Variants in SETBP1 observed in about 807,000 individuals in gnomAD.
SETBP1 encodes SET-binding protein.
In SETBP1, 9 loss-of-function variants were observed where a neutral mutation model predicts 101.0. That is an observed-to-expected ratio of 0.09 (90% CI 0.05 to 0.16). SETBP1 has a LOEUF of 0.16. SETBP1 is among the 10% of genes least tolerant of loss of function. SETBP1 has a pLI of 1.00. For synonymous variants in SETBP1, 818 were observed against 788.5 expected (o/e 1.04, Z -0.63); for missense variants, 1,858 against 2,033.8 (o/e 0.91, Z 1.66).
chr18:44,878,407 G>T (rs2069457818), intron 3 of SETBP1, among the ~76,000 whole-genome samples: 1 of 151,230 alleles, frequency 6.6e-6, no homozygotes, highest in African/African-American at 2.4e-5. Flanking sequence ...CTGTAATTCT[G>T]CTCACTTGAG....
Position 45,019,322 on chromosome 18 carries a change from G to A in SETBP1, c.4001-19163G>A, listed in dbSNP as rs75366015. ...ATTTCCAGGTTTGGGGAATACAGTC[G>A]GGGAATTTCTTTTTACTTGACAAAT... On this transcript the variant is annotated intron_variant, in intron 4 of 5. Coordinates refer to ENST00000649279, the MANE Select transcript of SETBP1 (RefSeq NM_015559.3). Among the ~76,000 whole-genome samples, 663 of 152,148 alleles carry A rather than the reference G, an allele frequency of 4.4e-3. 2 individuals carry two copies. The highest frequency in any genetic ancestry group is 6.4e-3 in the Non-Finnish European group (435 of 68,008).
At chr18:44,870,143 T>C (rs2089932627) in intron 3 of SETBP1, 1 of 152,252 alleles carries the variant, frequency 6.6e-6, no homozygotes, top group South Asian at 2.1e-4. Flanking sequence ...AAATTATAGC[T>C]AACGGCAGCG....
chr18:44,824,069 GC>G lies in SETBP1; in HGVS notation c.487-45158del, dbSNP rs147210992. On this transcript the variant is annotated intron_variant, in intron 2 of 5. Coordinates refer to ENST00000649279, the MANE Select transcript of SETBP1 (RefSeq NM_015559.3). The stretch of plus-strand genomic sequence containing the variant: ...TCCATTCAAACTTCTTTTCACTCCT[GC>G]CCAAATCTTAAGACCAGTTACCTTG... Among the ~76,000 whole-genome samples, 271 of 152,222 alleles carry G rather than the reference GC, an allele frequency of 1.8e-3. 1 individual carries two copies. Among genetic ancestry groups the G allele is most frequent in the African/African-American group, 6.1e-3 (252 of 41,538 alleles).
chr18:44,716,000 C>T (rs2069453399), intron 2 of SETBP1, among the ~76,000 whole-genome samples: 1 of 152,150 alleles, frequency 6.6e-6, no homozygotes, highest in Non-Finnish European at 1.5e-5. Context: ...TCCCAGCATC[C>T]TTCCCCTACC....
chr18:44,855,421 C>T (rs2072955874), intron 2 of SETBP1, among the ~76,000 whole-genome samples: 1 of 152,212 alleles, frequency 6.6e-6, no homozygotes, highest in Non-Finnish European at 1.5e-5. Context: ...ACTACCCTCA[C>T]ACCTGGATTG....
intron 2 of SETBP1, among the ~76,000 whole-genome samples, chr18:44,763,646 T>C (rs928708668): frequency 2.0e-5 from 3 of 152,244 alleles, no homozygotes; most frequent in East Asian, 1.9e-4. Flanking sequence ...GGTACTCTTC[T>C]AATTATGCTG....
chr18:44,991,860 A>G (rs1167919319), intron 4 of SETBP1, among the ~76,000 whole-genome samples: 3 of 152,222 alleles, frequency 2.0e-5, no homozygotes, highest in Non-Finnish European at 1.5e-5. Context: ...TAGAACAATA[A>G]TAAAAATTGA....
At position 44,952,785 on chromosome 18, in the gene SETBP1, A is replaced by G; in HGVS notation, c.3445A>G (p.Lys1149Glu). 6.2e-7 allele frequency: 1 copy of G among 1,614,058 alleles called. No individual in the cohort carries two copies. The highest frequency in any genetic ancestry group is 2.2e-5 in the East Asian group (1 of 44,860). Residue 1149 changes from lysine (K) to glutamate (E), a missense_variant, in exon 4 of 6, where the codon AAG (lysine) becomes GAG (glutamate). Coordinates refer to ENST00000649279, the MANE Select transcript of SETBP1 (RefSeq NM_015559.3). Reference protein sequence around the residue: ...SASLSSGRLHKRKHKHKHKHK... With the variant: ...SASLSSGRLHERKHKHKHKHK... The stretch of plus-strand genomic sequence containing the variant: ...CAGTCTGTCCAGTGGTCGGCTCCAT[A>G]AGAGGAAACACAAACACAAGCATAA...
At position 44,861,087 on chromosome 18, in the gene SETBP1, G is replaced by C. The variant is rs1008533576; in HGVS notation, c.487-8143G>C. Reference sequence around the variant, plus strand: ...ATACCAGTAAAAGTTATGTTATTCTGAATAAAGAGGGGTTAAGAGCCTGGA... The same window carrying C: ...ATACCAGTAAAAGTTATGTTATTCTCAATAAAGAGGGGTTAAGAGCCTGGA... On this transcript the variant is annotated intron_variant, in intron 2 of 5. Coordinates refer to ENST00000649279, the MANE Select transcript of SETBP1 (RefSeq NM_015559.3). Among the ~76,000 whole-genome samples, 10 of 152,198 alleles carry C rather than the reference G, an allele frequency of 6.6e-5. No homozygotes were observed. The South Asian group carries it at 2.1e-3, about 32-fold the overall frequency.
intron 3 of SETBP1, among the ~76,000 whole-genome samples, chr18:44,927,339 G>A (rs183662327): frequency 2.1e-4 from 32 of 152,198 alleles, no homozygotes; most frequent in African/African-American, 7.5e-4. Flanking sequence ...CCACAGACAG[G>A]CGCCAGTGCT....
chr18:44,967,402 A>G (rs528732408), intron 4 of SETBP1, among the ~76,000 whole-genome samples: 220 of 152,356 alleles, frequency 1.4e-3, no homozygotes, highest in Middle Eastern at 0.01. Flanking sequence ...AGCCATAAAA[A>G]TGCAGTGATA....
intron 2 of SETBP1, among the ~76,000 whole-genome samples, chr18:44,715,797 TCTC>T (rs1413480143): frequency 6.6e-6 from 1 of 152,174 alleles, no homozygotes; most frequent in African/African-American, 2.4e-5. Flanking sequence ...CCCTGGCCTC[TCTC>T]CTCCTCTTCT....
intron 2 of SETBP1, among the ~76,000 whole-genome samples, chr18:44,793,254 T>C (rs1174597124): frequency 1.3e-5 from 2 of 152,216 alleles, no homozygotes; most frequent in Non-Finnish European, 2.9e-5. Context: ...GTGGAATCAG[T>C]GTTCTAAACC....
At chr18:44,865,971 A>G (rs1347538275) in intron 2 of SETBP1, among the ~76,000 whole-genome samples, 3 of 152,210 alleles carry the variant, frequency 2.0e-5, no homozygotes, top group Non-Finnish European at 4.4e-5. Flanking sequence ...CTGACATTAT[A>G]TCCCTGTATC....
intron 4 of SETBP1, among the ~76,000 whole-genome samples, chr18:44,955,311 C>G (rs1373257643): frequency 6.6e-6 from 1 of 152,190 alleles, no homozygotes; most frequent in African/African-American, 2.4e-5. Context: ...CTTCAGCCAG[C>G]CACTTGAGAT....
In SETBP1 at chr18:44,953,164, C is replaced by T. The variant is rs151038663; in HGVS notation, c.3824C>T (p.Ser1275Leu). Residue 1275 changes from serine (S) to leucine (L), a missense_variant, in exon 4 of 6, where the codon TCA (serine) becomes TTA (leucine). Transcript: ENST00000649279. Reference sequence around the variant, plus strand: ...GGCGGGGATGGTGGCAGCACGAGATCAGAGAACCTGGACGTGTTCAGTGAA... The same window carrying T: ...GGCGGGGATGGTGGCAGCACGAGATTAGAGAACCTGGACGTGTTCAGTGAA... ...GSGGDGGSTR[S>L]ENLDVFSEMN... 8.7e-5 allele frequency: 140 copies of T among 1,613,864 alleles called. No homozygotes were observed. Among genetic ancestry groups the T allele is most frequent in the Non-Finnish European group, 8.6e-5 (102 of 1,180,020 alleles).
At chr18:44,782,511 A>C (rs76901465) in intron 2 of SETBP1, among the ~76,000 whole-genome samples, 1 of 152,184 alleles carries the variant, frequency 6.6e-6, no homozygotes, top group East Asian at 1.9e-4. Context: ...AGCCCTGTCA[A>C]GAGTGCTCCA....
chr18:44,797,827 T>C (rs539945798), intron 2 of SETBP1, among the ~76,000 whole-genome samples: 2 of 152,286 alleles, frequency 1.3e-5, no homozygotes, highest in African/African-American at 4.8e-5. Flanking sequence ...AATTATACTT[T>C]TGCATTGACT....
At chr18:44,704,478 A>G (rs986631859) in intron 2 of SETBP1, among the ~76,000 whole-genome samples, 19 of 152,208 alleles carry the variant, frequency 1.2e-4, no homozygotes, top group Non-Finnish European at 2.1e-4. Context: ...CTTGCTTCAT[A>G]TGGTACTTCT....
Sources: gnomAD v4.1 joint callset for allele counts (sites outside exome capture counted in the v4.1 genomes callset) on GRCh38, gnomAD v4.1.1 for gene constraint, MANE v1.5 for transcripts, NCBI Gene and HGNC (gene_info 2026-07-23, HGNC 2026-07-21) for gene names.